Variants in WWOX observed in about 807,000 individuals in gnomAD.
WWOX encodes WW domain containing oxidoreductase.
In WWOX, 69 loss-of-function variants were observed where a neutral mutation model predicts 46.2. The ratio of observed to expected loss-of-function variants is 1.49; its 90% confidence interval spans 1.23 to 1.82. WWOX has a LOEUF of 1.82. Among genes scored for constraint, WWOX ranks in the 40% most tolerant of loss-of-function variants. The pLI is 0.00. For missense variants in WWOX, 919 were observed against 542.6 expected, an observed-to-expected ratio of 1.69 and a Z score of -6.89; for synonymous variants, 359 against 202.6, an observed-to-expected ratio of 1.77 and a Z score of -6.56.
intron 8 of WWOX, among the ~76,000 whole-genome samples, chr16:78,464,120 G>C (rs1482828357): frequency 6.6e-6 from 1 of 152,134 alleles, no homozygotes; most frequent in African/African-American, 2.4e-5. Context: ...CCATTCATCT[G>C]AGAGATGTGG....
At chr16:78,444,139 A>G (rs564833302) in intron 8 of WWOX, among the ~76,000 whole-genome samples, 1 of 152,288 alleles carries the variant, frequency 6.6e-6, no homozygotes, top group East Asian at 1.9e-4. Flanking sequence ...ACCAAGATAA[A>G]GAAATACTTT....
At chr16:79,100,800 A>G (rs772988530) in intron 8 of WWOX, among the ~76,000 whole-genome samples, 8 of 152,038 alleles carry the variant, frequency 5.3e-5, no homozygotes, top group East Asian at 1.9e-4. Context: ...GGAACATACA[A>G]TGCATTTTCC....
intron 8 of WWOX, among the ~76,000 whole-genome samples, chr16:78,863,807 T>G (rs1293901886): frequency 6.6e-6 from 1 of 152,246 alleles, no homozygotes; most frequent in Admixed American, 6.5e-5. Flanking sequence ...GTTGGAATGA[T>G]GGCTCTCAAA....
intron 8 of WWOX, among the ~76,000 whole-genome samples, chr16:79,024,553 C>A (rs1426971767): frequency 1.3e-5 from 2 of 152,162 alleles, no homozygotes; most frequent in Non-Finnish European, 2.9e-5. Context: ...CCTGCCTCAG[C>A]CTCCCGAGTA....
At chr16:78,620,868 C>T (rs1002542631) in intron 8 of WWOX, among the ~76,000 whole-genome samples, 4 of 152,046 alleles carry the variant, frequency 2.6e-5, no homozygotes, top group East Asian at 1.9e-4. Context: ...TTTTCATGTC[C>T]AGGTCACTAC....
intron 8 of WWOX, among the ~76,000 whole-genome samples, chr16:78,820,136 A>G (rs1242175683): frequency 6.6e-6 from 1 of 152,122 alleles, no homozygotes; most frequent in Non-Finnish European, 1.5e-5. Context: ...GGCTCTCAGG[A>G]TGCACAATGA....
intron 8 of WWOX, among the ~76,000 whole-genome samples, chr16:78,930,304 G>C (rs1483476799): frequency 4.3e-5 from 4 of 92,250 alleles, no homozygotes; most frequent in African/African-American, 1.8e-4. Flanking sequence ...TTTTCAGACA[G>C]GGTCTCCTCC....
chr16:78,883,405 C>G (rs1049812217), intron 8 of WWOX, among the ~76,000 whole-genome samples: 3 of 152,256 alleles, frequency 2.0e-5, no homozygotes, highest in East Asian at 1.9e-4. Context: ...CTGTCATTTA[C>G]TTAATAGTAA....
intron 5 of WWOX, among the ~76,000 whole-genome samples, chr16:78,374,527 ATTTTTTTTTTTTTTTTTTTT>A (rs541225697): frequency 5.5e-4 from 39 of 70,902 alleles, no homozygotes; most frequent in African/African-American, 2.1e-3. Flanking sequence ...TCTGTCTTGA[ATTTTTTTTTTTTTTTTTTTT>A]TTTTTTTTTT....
intron 5 of WWOX, among the ~76,000 whole-genome samples, chr16:78,196,825 T>C (rs2036068085): frequency 6.6e-6 from 1 of 152,236 alleles, no homozygotes; most frequent in Non-Finnish European, 1.5e-5. Flanking sequence ...TGATTTAATG[T>C]ACTCTCTGAT....
intron 8 of WWOX, among the ~76,000 whole-genome samples, chr16:79,058,720 G>A (rs1042007942): frequency 2.0e-5 from 3 of 152,172 alleles, no homozygotes; most frequent in Non-Finnish European, 4.4e-5. Flanking sequence ...TTTACTCACC[G>A]TATCTGTGTG....
rs908546315 is a variant in WWOX at position 78,556,712 on chromosome 16, ATTTAT to A, written c.1056+123969_1056+123973del. ...CCTGAGACCGGCAAACACATTTTTT[ATTTAT>A]TTTATTTTTATTTTTCGAGATGGAC... On this transcript the variant is annotated intron_variant, in intron 8 of 8. Transcript: ENST00000566780. Among the ~76,000 whole-genome samples the A allele has an allele frequency of 4.3e-4, 66 of 151,982 alleles. 1 individual carries two copies. Among genetic ancestry groups the A allele is most frequent in the African/African-American group, 1.5e-3 (63 of 41,456 alleles).
chr16:78,684,668 G>A lies in WWOX; in HGVS notation c.1056+251916G>A, dbSNP rs561744626. ...AAAGGACTCTGCCCTCATGGATGGG[G>A]TTGGGGGACCTGTTATCTTCTTCCA... On this transcript the variant is annotated intron_variant, in intron 8 of 8. Coordinates refer to ENST00000566780, the MANE Select transcript of WWOX (RefSeq NM_016373.4). Among the ~76,000 whole-genome samples the A allele has an allele frequency of 8.5e-5, 13 of 152,306 alleles. No individual in the cohort carries two copies. In the East Asian group the frequency reaches 2.3e-3, roughly 27 times the overall value.
At chr16:79,116,285 C>G (rs1308941843) in intron 8 of WWOX, among the ~76,000 whole-genome samples, 1 of 152,102 alleles carries the variant, frequency 6.6e-6, no homozygotes, top group Non-Finnish European at 1.5e-5. Flanking sequence ...TTGACTCTTC[C>G]TTTTACAAAA....
intron 8 of WWOX, among the ~76,000 whole-genome samples, chr16:78,584,442 A>G (rs1405067338): frequency 6.6e-6 from 1 of 152,218 alleles, no homozygotes; most frequent in Non-Finnish European, 1.5e-5. Flanking sequence ...TTTTGTCATG[A>G]GTAAAACTGA....
intron 8 of WWOX, among the ~76,000 whole-genome samples, chr16:79,160,633 G>T (rs190733513): frequency 1.3e-5 from 2 of 152,214 alleles, no homozygotes; most frequent in East Asian, 1.9e-4. Context: ...AGAGGTATGG[G>T]TCAAGCAGAT....
chr16:78,417,491 C>T (rs536748202), intron 6 of WWOX, among the ~76,000 whole-genome samples: 1 of 152,152 alleles, frequency 6.6e-6, no homozygotes, highest in African/African-American at 2.4e-5. Context: ...TAAAAAGTGC[C>T]TAACCCATAG....
At chr16:78,239,184 C>G (rs114330864) in intron 5 of WWOX, among the ~76,000 whole-genome samples, 1 of 152,196 alleles carries the variant, frequency 6.6e-6, no homozygotes, top group Admixed American at 6.5e-5. Context: ...CTGCATTTCT[C>G]CCACGGCTTC....
At chr16:79,021,144 T>G (rs1246436781) in intron 8 of WWOX, among the ~76,000 whole-genome samples, 1 of 152,204 alleles carries the variant, frequency 6.6e-6, no homozygotes, top group African/African-American at 2.4e-5. Flanking sequence ...ATTTGTTGAA[T>G]GAATGAATTC....
Sources: allele counts gnomAD v4.1 joint callset (sites outside exome capture counted in the v4.1 genomes callset), GRCh38; gene constraint gnomAD v4.1.1; transcripts MANE v1.5; gene names NCBI Gene and HGNC (gene_info 2026-07-23, HGNC 2026-07-21).